Variants in GDPD1 observed in about 807,000 individuals in gnomAD.
GDPD1 encodes the protein glycerophosphodiester phosphodiesterase domain containing 1.
GDPD1 carries 28 observed loss-of-function variants against 45.1 expected under a neutral mutation model. That is an observed-to-expected ratio of 0.62 (90% CI 0.46 to 0.85). GDPD1 has a LOEUF of 0.85. Ranked by LOEUF, GDPD1 falls within the 40% of genes least tolerant of loss-of-function variation. GDPD1 has a pLI of 0.00. For synonymous variants in GDPD1, 139 were observed against 131.4 expected (o/e 1.06, Z -0.40); for missense variants, 256 against 364.8 (o/e 0.70, Z 2.43).
At chr17:59,268,577 T>TAAAA in intron 7 of GDPD1, among the ~76,000 whole-genome samples, 1 of 26,650 alleles carries the variant, frequency 3.8e-5, no homozygotes, top group Non-Finnish European at 5.6e-5. Context: ...AGACTCTGTC[T>TAAAA]CAAAAAAAAA....
At chr17:59,220,990 G>A (rs2046999670) in intron 1 of GDPD1, among the ~76,000 whole-genome samples, 1 of 152,104 alleles carries the variant, frequency 6.6e-6, no homozygotes, top group Non-Finnish European at 1.5e-5. Flanking sequence ...CAGTGTGAGG[G>A]GTTCTCTGAA....
chr17:59,252,065 C>T (rs558878327), intron 4 of GDPD1, among the ~76,000 whole-genome samples: 3 of 148,812 alleles, frequency 2.0e-5, no homozygotes, highest in Admixed American at 6.7e-5. Context: ...AAAGTGGTTC[C>T]GTTTTTTCTA....
At chr17:59,224,511 G>C (rs1021147537) in intron 1 of GDPD1, among the ~76,000 whole-genome samples, 1 of 151,926 alleles carries the variant, frequency 6.6e-6, no homozygotes, top group Non-Finnish European at 1.5e-5. Flanking sequence ...TGTAGTCCCA[G>C]CTACTCAGGA....
chr17:59,237,718 T>A (rs2047143682), intron 2 of GDPD1, among the ~76,000 whole-genome samples: 1 of 151,428 alleles, frequency 6.6e-6, no homozygotes, highest in Non-Finnish European at 1.5e-5. Context: ...AACCAGAAAA[T>A]CAAAAGGTAT....
rs1233683813 is a variant in GDPD1 at position 59,274,708 on chromosome 17, G to A, written c.*935G>A. 3.3e-5 allele frequency among the ~76,000 whole-genome samples: 5 copies of A among 150,652 alleles called. No individual in the cohort carries two copies. The highest frequency in any genetic ancestry group is 1.2e-4 in the African/African-American group (5 of 41,022). ...CAGGAGAATGGCGTGAACCCGGGAG[G>A]CGGAGCTTGCAGTGAGCCGAGATCG... On this transcript the variant is annotated 3_prime_UTR_variant, in exon 10 of 10. Transcript: ENST00000284116.
intron 6 of GDPD1, among the ~76,000 whole-genome samples, chr17:59,264,073 A>G (rs755319187): frequency 2.0e-5 from 3 of 152,138 alleles, no homozygotes; most frequent in Non-Finnish European, 4.4e-5. Context: ...ATCTTGGCTC[A>G]CCGCAACCTC....
chr17:59,248,189 A>G (rs1381237162), intron 3 of GDPD1, among the ~76,000 whole-genome samples: 3 of 151,900 alleles, frequency 2.0e-5, no homozygotes, highest in African/African-American at 7.2e-5. Flanking sequence ...AAGGCCTCCC[A>G]AAAGGATGGA....
intron 2 of GDPD1, among the ~76,000 whole-genome samples, chr17:59,239,342 TTTTA>T (rs1271489586): frequency 6.6e-6 from 1 of 152,172 alleles, no homozygotes; most frequent in Non-Finnish European, 1.5e-5. Context: ...GAGCTAGAGT[TTTTA>T]TTTCTTTTTC....
In GDPD1 at chr17:59,273,816, T is replaced by G; in HGVS notation, c.*43T>G. 1 of 1,502,826 alleles carries G rather than the reference T, an allele frequency of 6.7e-7. No individual in the cohort carries two copies. Among genetic ancestry groups the G allele is most frequent in the Non-Finnish European group, 8.9e-7 (1 of 1,127,266 alleles). The allele number at this position is 1,502,826 out of a possible 1,614,324, so 93.1% of individuals were successfully genotyped here. ...AGTATTGAAGGAAAAAATGAAGACC[T>G]AAGAAAAAAATATTTCATGATCATT... On this transcript the variant is annotated 3_prime_UTR_variant, in exon 10 of 10. Transcript: ENST00000284116.
chr17:59,234,417 G>T, intron 1 of GDPD1, 75 bp from the exon 2 acceptor site: 2 of 874,280 alleles, frequency 2.3e-6, no homozygotes, highest in South Asian at 3.0e-5. Flanking sequence ...AGATTCATTA[G>T]GTGTATTTTA....
intron 4 of GDPD1, among the ~76,000 whole-genome samples, chr17:59,252,058 G>T (rs1364638065): frequency 6.8e-6 from 1 of 146,672 alleles, no homozygotes; most frequent in Non-Finnish European, 1.5e-5. Flanking sequence ...TAGTCAAAAA[G>T]TGGTTCCGTT....
chr17:59,238,432 G>C (rs112749591), intron 2 of GDPD1, among the ~76,000 whole-genome samples: 2 of 142,720 alleles, frequency 1.4e-5, no homozygotes, highest in African/African-American at 5.1e-5. Context: ...TTTTTTTTCC[G>C]AGACGGAGTC....
At chr17:59,231,511 A>G (rs925745900) in intron 1 of GDPD1, among the ~76,000 whole-genome samples, 1 of 151,486 alleles carries the variant, frequency 6.6e-6, no homozygotes, top group East Asian at 2.0e-4. Flanking sequence ...TATTTTTAGT[A>G]GAGACGGGGT....
chr17:59,230,647 G>T (rs575914427), intron 1 of GDPD1, among the ~76,000 whole-genome samples: 57 of 152,232 alleles, frequency 3.7e-4, no homozygotes, highest in South Asian at 6.2e-4. Flanking sequence ...CTCCCAAAGT[G>T]CTGGCATTAC....
chr17:59,241,191 C>T (rs1318709610), intron 2 of GDPD1, among the ~76,000 whole-genome samples: 1 of 152,084 alleles, frequency 6.6e-6, no homozygotes, highest in African/African-American at 2.4e-5. Flanking sequence ...GAACATACGC[C>T]CATTGTTAAG....
chr17:59,255,059 G>A (rs2047285933), intron 4 of GDPD1, among the ~76,000 whole-genome samples: 1 of 152,002 alleles, frequency 6.6e-6, no homozygotes, highest in Non-Finnish European at 1.5e-5. Flanking sequence ...CCCCTTTAAT[G>A]TACATGCTGC....
intron 6 of GDPD1, among the ~76,000 whole-genome samples, chr17:59,259,917 T>G (rs1232621977): frequency 1.3e-5 from 2 of 149,400 alleles, no homozygotes; most frequent in Admixed American, 1.3e-4. Context: ...AAAAACTGGC[T>G]AGGCATGGTG....
intron 4 of GDPD1, among the ~76,000 whole-genome samples, chr17:59,256,479 A>G (rs939643781): frequency 6.6e-6 from 1 of 152,234 alleles, no homozygotes; most frequent in Admixed American, 6.5e-5. Context: ...GATTTAGTGT[A>G]TACTTCCCTT....
At position 59,263,880 on chromosome 17, in the gene GDPD1, C is replaced by T. The variant is rs527640143; in HGVS notation, c.577-3161C>T. 3.3e-5 allele frequency among the ~76,000 whole-genome samples: 5 copies of T among 151,778 alleles called. No homozygotes were observed. The South Asian group carries it at 1.0e-3, about 32-fold the overall frequency. On this transcript the variant is annotated intron_variant, in intron 6 of 9. Coordinates refer to ENST00000284116, the MANE Select transcript of GDPD1 (RefSeq NM_182569.4). ...TATAAACATTAAAGGAATTGGGGCACACAGTGGTAGTGGGAAAATGTGGCG... is the reference window on the plus strand; with the variant it reads ...TATAAACATTAAAGGAATTGGGGCATACAGTGGTAGTGGGAAAATGTGGCG...
Sources: gnomAD v4.1 joint callset for allele counts (sites outside exome capture counted in the v4.1 genomes callset) on GRCh38, gnomAD v4.1.1 for gene constraint, MANE v1.5 for transcripts, NCBI Gene and HGNC (gene_info 2026-07-23, HGNC 2026-07-21) for gene names.